The following PDSS2 variants were observed in gnomAD, a reference collection of about 807,000 sequenced individuals.
The protein encoded by PDSS2 is decaprenyl diphosphate synthase subunit 2.
In PDSS2, 31 loss-of-function variants were observed where a neutral mutation model predicts 44.5. That is an observed-to-expected ratio of 0.70 (90% CI 0.52 to 0.94). PDSS2 has a LOEUF of 0.94. PDSS2 is among the 40% of genes least tolerant of loss of function. The pLI is 0.00. For missense variants in PDSS2, 452 were observed against 482.2 expected (o/e 0.94, Z 0.59); for synonymous variants, 157 against 180.3 (o/e 0.87, Z 1.03).
intron 2 of PDSS2, among the ~76,000 whole-genome samples, chr6:107,305,887 T>G (rs1776843908): frequency 1.3e-5 from 2 of 152,186 alleles, no homozygotes; most frequent in African/African-American, 2.4e-5. Context: ...GCCTTAACAT[T>G]ATATTTAGAC....
intron 2 of PDSS2, among the ~76,000 whole-genome samples, chr6:107,290,870 C>A (rs1174690829): frequency 6.6e-6 from 1 of 152,000 alleles, no homozygotes; most frequent in Non-Finnish European, 1.5e-5. Context: ...TAGCTTTTTT[C>A]CCCCCACTTG....
intron 3 of PDSS2, among the ~76,000 whole-genome samples, chr6:107,261,578 C>CT (rs36106088): frequency 0.15 from 16,776 of 112,640 alleles, 1,515 homozygotes; most frequent in South Asian, 0.23. Flanking sequence ...TCTTTTCTTT[C>CT]TTTTTTTTTT....
At chr6:107,172,608 G>T (rs1179577533) in intron 7 of PDSS2, among the ~76,000 whole-genome samples, 3 of 152,096 alleles carry the variant, frequency 2.0e-5, no homozygotes, top group African/African-American at 7.2e-5. Flanking sequence ...GGAGCATTCT[G>T]AAACACAGAC....
intron 7 of PDSS2, among the ~76,000 whole-genome samples, chr6:107,176,325 G>A (rs1426412211): frequency 1.3e-5 from 2 of 151,896 alleles, no homozygotes; most frequent in Non-Finnish European, 2.9e-5. Flanking sequence ...TACAGGTTGA[G>A]CCCCTGCGCC....
At chr6:107,287,099 A>C (rs1272757875) in intron 2 of PDSS2, among the ~76,000 whole-genome samples, 3 of 152,214 alleles carry the variant, frequency 2.0e-5, no homozygotes, top group African/African-American at 7.2e-5. Flanking sequence ...TAACATTTTT[A>C]GTTCATTGAC....
At position 107,411,871 on chromosome 6, in the gene PDSS2, TTCTTCTTC is replaced by T. The variant is rs1232651891; in HGVS notation, c.296+47111_296+47118del. ...TGATACTGAGGAATAACTGTACTTC[TTCTTCTTC>T]TTTTTTTTTTTTTTTTTTTTTTTGA... On this transcript the variant is annotated intron_variant, in intron 1 of 7. Coordinates refer to ENST00000369037, the MANE Select transcript of PDSS2 (RefSeq NM_020381.4). Among the ~76,000 whole-genome samples the T allele has an allele frequency of 4.8e-5, 6 of 125,986 alleles. No homozygotes were observed. In the East Asian group the frequency reaches 8.6e-4, roughly 18 times the overall value. The allele number at this position is 125,986 out of a possible 152,430, so 82.7% of individuals were successfully genotyped here.
intron 3 of PDSS2, among the ~76,000 whole-genome samples, chr6:107,267,841 C>T (rs2114914783): frequency 6.6e-6 from 1 of 152,052 alleles, no homozygotes; most frequent in South Asian, 2.1e-4. Context: ...TATCCTCCCA[C>T]CTCCATCTCC....
intron 3 of PDSS2, among the ~76,000 whole-genome samples, chr6:107,260,572 T>TATA (rs1454747984): frequency 6.6e-6 from 1 of 152,084 alleles, no homozygotes; most frequent in Non-Finnish European, 1.5e-5. Flanking sequence ...CAATATTATA[T>TATA]ATAATACATT....
At chr6:107,352,145 A>G (rs1778452032) in intron 1 of PDSS2, among the ~76,000 whole-genome samples, 1 of 152,206 alleles carries the variant, frequency 6.6e-6, no homozygotes, top group Non-Finnish European at 1.5e-5. Flanking sequence ...AAGATTAACC[A>G]TAACTGTTAA....
chr6:107,274,135 T>C lies in PDSS2; in HGVS notation c.524A>G (p.Asp175Gly). The change falls in exon 3 of 8, where the codon GAT becomes GGT. Residue 175 changes from aspartate to glycine, a missense_variant. Physicochemically the swap from Asp to Gly is moderately conservative, Grantham distance 94. Transcript: ENST00000369037. ...IVNLNELQSS[D>G]GPLKDMQFGN... ...AAATTGCATGTCTTTCAGTGGACCA[T>C]CAGATGATTGCAACTCATTTAAATT... 6.2e-7 allele frequency: 1 copy of C among 1,613,588 alleles called. No individual in the cohort carries two copies. Among genetic ancestry groups the C allele is most frequent in the South Asian group, 1.1e-5 (1 of 91,078 alleles).
chr6:107,337,552 G>C (rs1289090153), intron 1 of PDSS2, among the ~76,000 whole-genome samples: 1 of 152,210 alleles, frequency 6.6e-6, no homozygotes, highest in Non-Finnish European at 1.5e-5. Context: ...ACTTTTCATA[G>C]TCATTGTATG....
In PDSS2 at chr6:107,459,464, C is replaced by G; in HGVS notation, c.-179G>C. ...AACTTTAACTGCTGCTTTCTGCAGC[C>G]CAGGCTGGGCAAACAACAGTCCCAG... On this transcript the variant is annotated 5_prime_UTR_variant, in exon 1 of 8. Transcript: ENST00000369037. The surrounding 1 kb of genome is among the most constrained non-coding windows in gnomAD (Gnocchi z 4.3). The G allele has an allele frequency of 1.6e-6, 1 of 614,542 alleles. No individual in the cohort carries two copies. The highest frequency in any genetic ancestry group is 2.7e-5 in the East Asian group (1 of 36,376). 38.1% of individuals were successfully genotyped at this position (614,542 alleles called of 1,614,324 possible). A position where few individuals can be genotyped will look rare whatever the true frequency, so the allele number is the denominator to read the frequency against.
At chr6:107,271,475 A>G (rs746051014) in intron 3 of PDSS2, among the ~76,000 whole-genome samples, 2 of 152,184 alleles carry the variant, frequency 1.3e-5, no homozygotes, top group Non-Finnish European at 2.9e-5. Context: ...ACCCAAACCT[A>G]TAATTTACTG....
intron 1 of PDSS2, among the ~76,000 whole-genome samples, chr6:107,437,250 A>T (rs1258889765): frequency 6.6e-6 from 1 of 152,154 alleles, no homozygotes; most frequent in Non-Finnish European, 1.5e-5. Flanking sequence ...GGCTGGGTGC[A>T]GCGGCTCACA....
chr6:107,440,406 T>G (rs1781480017), intron 1 of PDSS2, among the ~76,000 whole-genome samples: 1 of 152,200 alleles, frequency 6.6e-6, no homozygotes, highest in African/African-American at 2.4e-5. Context: ...TTTGCATCTT[T>G]CAGAAGCAGC....
chr6:107,172,992 C>T (rs1010018089), intron 7 of PDSS2, among the ~76,000 whole-genome samples: 8 of 151,548 alleles, frequency 5.3e-5, no homozygotes, highest in Non-Finnish European at 7.4e-5. Flanking sequence ...GGTGTGGTGG[C>T]GTGCACCTGT....
intron 1 of PDSS2, among the ~76,000 whole-genome samples, chr6:107,337,553 T>C (rs2115266811): frequency 6.6e-6 from 1 of 152,354 alleles, no homozygotes; most frequent in African/African-American, 2.4e-5. Flanking sequence ...CTTTTCATAG[T>C]CATTGTATGG....
intron 3 of PDSS2, among the ~76,000 whole-genome samples, chr6:107,257,261 A>C (rs1775054866): frequency 6.6e-6 from 1 of 151,480 alleles, no homozygotes; most frequent in East Asian, 2.0e-4. Context: ...ACCCTGGGCC[A>C]GGCACAGTGG....
At chr6:107,285,473 C>A (rs933922770) in intron 2 of PDSS2, among the ~76,000 whole-genome samples, 3 of 151,182 alleles carry the variant, frequency 2.0e-5, no homozygotes, top group South Asian at 4.2e-4. Context: ...AATAAGACCC[C>A]ATTTTGAAGA....
Sources: gnomAD v4.1 joint callset for allele counts (sites outside exome capture counted in the v4.1 genomes callset) on GRCh38, gnomAD v4.1.1 for gene constraint, Gnocchi (gnomAD v3.1) non-coding constraint, MANE v1.5 for transcripts, NCBI Gene and HGNC (gene_info 2026-07-23, HGNC 2026-07-21) for gene names.